ALPL: variants seen among roughly 807,000 people sequenced by gnomAD.
ALPL encodes the protein alkaline phosphatase, biomineralization associated.
ALPL carries 42 observed loss-of-function variants against 51.3 expected under a neutral mutation model. The ratio of observed to expected loss-of-function variants is 0.82; its 90% confidence interval spans 0.64 to 1.06. The LOEUF (loss-of-function observed/expected upper bound fraction) is 1.06. Among genes scored for constraint, ALPL ranks in the 50% least tolerant of loss-of-function variants. ALPL has a pLI of 0.00. For missense variants in ALPL, 589 were observed against 709.4 expected, an observed-to-expected ratio of 0.83 and a Z score of 1.93; for synonymous variants, 279 against 296.4, an observed-to-expected ratio of 0.94 and a Z score of 0.60.
chr1:21,516,577 A>G (rs1643805073), intron 1 of ALPL, among the ~76,000 whole-genome samples: 1 of 152,224 alleles, frequency 6.6e-6, no homozygotes, highest in Non-Finnish European at 1.5e-5. Context: ...CTGGGAAGTG[A>G]GAAGTAGACA....
At chr1:21,572,137 G>A (rs560586081) in intron 8 of ALPL, among the ~76,000 whole-genome samples, 3 of 152,356 alleles carry the variant, frequency 2.0e-5, no homozygotes, top group Admixed American at 6.5e-5. Flanking sequence ...GCAACAGAGT[G>A]AGACCCTGTC....
rs2148158747 is a variant in ALPL, at chr1:21,563,223, C to G, written c.411C>G (p.Ser137=). 6.2e-7 allele frequency: 1 copy of G among 1,613,894 alleles called. No individual in the cohort carries two copies. Among genetic ancestry groups the G allele is most frequent in the Non-Finnish European group, 8.5e-7 (1 of 1,180,000 alleles). ...GGGTAAGCGCAGCCACTGAGCGTTC[C>G]CGGTGCAACACCACCCAGGGGAACG... The part of the protein sequence containing the change: ...TVGVSAATER[S]RCNTTQGNEV... The change falls in exon 5 of 12, where the codon TCC becomes TCG. Residue 137 remains serine, a synonymous_variant. Coordinates refer to ENST00000374840, the MANE Select transcript of ALPL (RefSeq NM_000478.6).
chr1:21,543,463 T>G (rs561981853), intron 1 of ALPL, among the ~76,000 whole-genome samples: 21 of 152,168 alleles, frequency 1.4e-4, no homozygotes, highest in Non-Finnish European at 2.8e-4. Flanking sequence ...GCAGAAACAC[T>G]GTAATCCCAG....
chr1:21,523,128 A>G (rs1643900541), intron 1 of ALPL, among the ~76,000 whole-genome samples: 1 of 152,146 alleles, frequency 6.6e-6, no homozygotes, highest in Non-Finnish European at 1.5e-5. Context: ...TTTACTAAAA[A>G]TACAAAACAT....
rs1644426065 is a variant in ALPL, at chr1:21,557,258, C to CA, written c.61+3117dup. On this transcript the variant is annotated intron_variant, in intron 2 of 11. Transcript: ENST00000374840. ...GGGATGAGTTCCTCCCGCTTAGGGT[C>CA]ATCATGGGAATCACATGGGATAGTC... Among the ~76,000 whole-genome samples the CA allele has an allele frequency of 2.0e-5, 3 of 152,242 alleles. No homozygotes were observed. The South Asian group carries it at 6.2e-4, about 31-fold the overall frequency.
chr1:21,544,545 A>C (rs1460094709), intron 1 of ALPL, among the ~76,000 whole-genome samples: 3 of 152,160 alleles, frequency 2.0e-5, no homozygotes, highest in Non-Finnish European at 4.4e-5. Context: ...GAGTTCAAGA[A>C]TAGCCTGGGC....
chr1:21,562,983 C>A, intron 4 of ALPL, 127 bp from the exon 5 acceptor site: 2 of 1,290,942 alleles, frequency 1.5e-6, no homozygotes, highest in Non-Finnish European at 2.2e-6. Flanking sequence ...GGGCAGTGGG[C>A]CTGGTCAAGG....
rs556786256 is a variant in ALPL at position 21,527,649 on chromosome 1, A to G, written c.-105+18132A>G. ...ACCACAAGCTCTGCCTCCTGGGTTT[A>G]GGCGATTCTCCTGCCTCAGCTTCCT... is the stretch of plus-strand genomic sequence containing the variant. On this transcript the variant is annotated intron_variant, in intron 1 of 11. Coordinates refer to ENST00000374840, the MANE Select transcript of ALPL (RefSeq NM_000478.6). Among the ~76,000 whole-genome samples, 15 of 148,002 alleles carry G rather than the reference A, an allele frequency of 1.0e-4. 1 individual carries two copies. In the South Asian group the frequency reaches 3.2e-3, roughly 31 times the overall value.
At chr1:21,551,260 A>T (rs190901017) in intron 1 of ALPL, 1 of 152,352 alleles carries the variant, frequency 6.6e-6, no homozygotes, top group Non-Finnish European at 1.5e-5. Context: ...GAGACAAACA[A>T]GACAAAGTCC....
At chr1:21,540,229 A>T (rs1644164866) in intron 1 of ALPL, among the ~76,000 whole-genome samples, 1 of 151,864 alleles carries the variant, frequency 6.6e-6, no homozygotes, top group African/African-American at 2.4e-5. Flanking sequence ...TCCGCCCCCG[A>T]CCCCTGCCTG....
chr1:21,561,340 C>G, intron 4 of ALPL, 128 bp downstream of exon 4: 5 of 773,676 alleles, frequency 6.5e-6, no homozygotes, highest in Non-Finnish European at 9.0e-6. Flanking sequence ...CACTCCCCAC[C>G]TGGAGCAGCC....
At chr1:21,545,773 C>T (rs931529484) in intron 1 of ALPL, among the ~76,000 whole-genome samples, 5 of 152,026 alleles carry the variant, frequency 3.3e-5, no homozygotes, top group Admixed American at 6.6e-5. Context: ...ATTTGCAGAT[C>T]GTTCATTGCT....
chr1:21,570,400 A>T (rs202028792), intron 8 of ALPL, 26 bp downstream of exon 8: 18 of 1,611,148 alleles, frequency 1.1e-5, no homozygotes, highest in Non-Finnish European at 1.5e-5. Flanking sequence ...GGAGGGGAGG[A>T]TGCATGGCTC....
At chr1:21,531,176 C>T (rs1349293630) in intron 1 of ALPL, among the ~76,000 whole-genome samples, 1 of 152,068 alleles carries the variant, frequency 6.6e-6, no homozygotes, top group Non-Finnish European at 1.5e-5. Context: ...CCAGGCTGGT[C>T]TCGAACTCCT....
In ALPL at chr1:21,576,523, T is replaced by C. The variant is rs1644739620; in HGVS notation, c.1191T>C (p.Gly397=). The stretch of plus-strand genomic sequence containing the variant: ...CCTGAACACCCCCTCCCTGTGCAGG[T>C]CTGGCCCCCATGCTGAGTGACACAG... ...GYTPRGNSIF[G]LAPMLSDTDK... The change falls in exon 11 of 12, where the codon GGT becomes GGC. Residue 397 remains glycine, a splice_region_variant and synonymous_variant. Coordinates refer to ENST00000374840, the MANE Select transcript of ALPL (RefSeq NM_000478.6). 6 of 1,613,640 alleles carry C rather than the reference T, an allele frequency of 3.7e-6. No homozygotes were observed. The highest frequency in any genetic ancestry group is 1.7e-5 in the Admixed American group (1 of 59,982).
chr1:21,574,257 T>C (rs1644694749), intron 9 of ALPL: 16 of 967,186 alleles, frequency 1.7e-5, no homozygotes, highest in Non-Finnish European at 2.0e-5. Flanking sequence ...CGGTGTGACC[T>C]CTACCTGTGC....
chr1:21,554,608 A>G (rs937937208), intron 2 of ALPL, among the ~76,000 whole-genome samples: 15 of 150,738 alleles, frequency 1.0e-4, no homozygotes, highest in African/African-American at 3.2e-4. Flanking sequence ...CTCCTGCCTC[A>G]GCCTCCCAAG....
chr1:21,562,771 C>T (rs1259762179), intron 4 of ALPL, among the ~76,000 whole-genome samples: 1 of 151,874 alleles, frequency 6.6e-6, no homozygotes, highest in Non-Finnish European at 1.5e-5. Context: ...CCAGGACTCC[C>T]CTGCTCCCCA....
chr1:21,535,008 T>C (rs891088276), intron 1 of ALPL, among the ~76,000 whole-genome samples: 1 of 152,228 alleles, frequency 6.6e-6, no homozygotes, highest in African/African-American at 2.4e-5. Context: ...TACTTCCTTG[T>C]TGTCTGCCTG....
Sources: allele counts gnomAD v4.1 joint callset (sites outside exome capture counted in the v4.1 genomes callset), GRCh38; gene constraint gnomAD v4.1.1; transcripts MANE v1.5; gene names NCBI Gene and HGNC (gene_info 2026-07-23, HGNC 2026-07-21).